Variants in TECTA observed in about 807,000 individuals in gnomAD.
TECTA encodes tectorin alpha, also known as alpha-tectorin.
TECTA carries 128 observed loss-of-function variants against 216.8 expected under a neutral mutation model. That is an observed-to-expected ratio of 0.59 (90% CI 0.51 to 0.68). The LOEUF (loss-of-function observed/expected upper bound fraction) is 0.68, where lower values mean the gene tolerates loss of function less well. TECTA is among the 30% of genes least tolerant of loss of function. The probability of loss-of-function intolerance (pLI) is 0.00; values close to 1 mark genes in which losing one functional copy is unlikely to be tolerated. For missense variants in TECTA, 2,551 were observed against 2,786.2 expected (o/e 0.92, Z 1.90); for synonymous variants, 1,089 against 1,117.1 (o/e 0.97, Z 0.50).
intron 15 of TECTA, among the ~76,000 whole-genome samples, 176 bp from the exon 16 acceptor site, chr11:121,161,899 A>G (rs1234665708): frequency 1.3e-5 from 2 of 152,074 alleles, no homozygotes; most frequent in Non-Finnish European, 1.5e-5. Flanking sequence ...TTACCGTTTT[A>G]CTTTCTTAGA....
chr11:121,127,854 C>CGTGCACA lies in TECTA; in HGVS notation c.1879_1885dup (p.Glu629ValfsTer99). On this transcript the variant is annotated frameshift_variant, in exon 9 of 24. Coordinates refer to ENST00000392793, the MANE Select transcript of TECTA (RefSeq NM_005422.4). LOFTEE classifies it high-confidence loss of function. This position sits in a 1 kb window ranked among gnomAD's most constrained non-coding sequence, Gnocchi z 5.0. ...ACGGCCTCGCGGAACTGCGCCACGC[C>CGTGCACA]GTGCACAGAGGGCTGCGAGTGCAAC... 1 of 1,614,092 alleles carries CGTGCACA rather than the reference C, an allele frequency of 6.2e-7. No individual in the cohort carries two copies. The highest frequency in any genetic ancestry group is 1.1e-5 in the South Asian group (1 of 91,080).
chr11:121,123,297 C>T (rs1946577348), intron 7 of TECTA, among the ~76,000 whole-genome samples: 1 of 152,200 alleles, frequency 6.6e-6, no homozygotes, highest in Non-Finnish European at 1.5e-5. Flanking sequence ...CTCTTTGAGG[C>T]TTATCAAGCC....
intron 4 of TECTA, 86 bp from the exon 5 acceptor site, chr11:121,112,986 A>C: frequency 6.4e-7 from 1 of 1,556,668 alleles, no homozygotes; most frequent in South Asian, 1.1e-5. Flanking sequence ...GTGGGTGGGG[A>C]GGGCGCAGGG....
In TECTA at chr11:121,168,916, T is replaced by C. The variant is rs143748991; in HGVS notation, c.5990T>C (p.Ile1997Thr). Residue 1997 changes from isoleucine (I) to threonine (T), a missense_variant, in exon 20 of 24, where the codon ATT (isoleucine) becomes ACT (threonine). Physicochemically the swap from Ile to Thr is moderately conservative, Grantham distance 89. Transcript: ENST00000392793. ...DSNDKLRYFI[I>T]EGGCQNLKDN... ...AATGATAAGCTCCGATATTTCATCA[T>C]TGAAGGAGGGTGAGTAGCCTCTTTA... is the stretch of plus-strand genomic sequence containing the variant. 9.9e-6 allele frequency: 16 copies of C among 1,614,036 alleles called. No homozygotes were observed. Among genetic ancestry groups the C allele is most frequent in the East Asian group, 2.2e-5 (1 of 44,896 alleles).
Position 121,168,716 on chromosome 11 carries a change from C to T in TECTA, c.5790C>T (p.Phe1930=). 6.2e-7 allele frequency: 1 copy of T among 1,614,186 alleles called. No individual in the cohort carries two copies. The highest frequency in any genetic ancestry group is 8.5e-7 in the Non-Finnish European group (1 of 1,180,024). The change falls in exon 20 of 24, where the codon TTC becomes TTT. Residue 1930 remains phenylalanine, a synonymous_variant. Transcript: ENST00000392793. ...NLTVPTQEGS[F]ITKMALYKNA... is the part of the protein sequence containing the mutation. The stretch of plus-strand genomic sequence containing the variant: ...CAGTTCCAACCCAAGAAGGCAGCTT[C>T]ATCACCAAGATGGCTCTCTACAAAA...
At chr11:121,145,184 T>C (rs1366199800) in intron 11 of TECTA, among the ~76,000 whole-genome samples, 11 of 152,136 alleles carry the variant, frequency 7.2e-5, no homozygotes, top group Non-Finnish European at 7.4e-5. Context: ...TAAAATAAAT[T>C]CCATGGTAGA....
chr11:121,118,638 G>T lies in TECTA; in HGVS notation c.1123G>T (p.Val375Phe). 6.2e-7 allele frequency: 1 copy of T among 1,614,068 alleles called. No homozygotes were observed. The highest frequency in any genetic ancestry group is 8.5e-7 in the Non-Finnish European group (1 of 1,180,014). ...GAATGAACACCGCAGAGGTTCAGCC[G>T]TCTCCTGGGTGAAGGAGCTCTCAGT... ...AKNEHRRGSAVSWVKELSVEV... is the reference protein window; with the variant it reads ...AKNEHRRGSAFSWVKELSVEV... The change falls in exon 7 of 24, where the codon GTC (valine) becomes TTC (phenylalanine). Residue 375 changes from valine to phenylalanine, a missense_variant. Physicochemically the swap from Val to Phe is conservative, Grantham distance 50. Coordinates refer to ENST00000392793, the MANE Select transcript of TECTA (RefSeq NM_005422.4).
chr11:121,148,974 G>A (rs1315510693), intron 12 of TECTA, among the ~76,000 whole-genome samples: 2 of 152,112 alleles, frequency 1.3e-5, no homozygotes, highest in Admixed American at 6.5e-5. Context: ...GGTATTAGAT[G>A]GTGAGAGGAG....
At chr11:121,120,057 C>G (rs1046111004) in intron 7 of TECTA, among the ~76,000 whole-genome samples, 1 of 152,226 alleles carries the variant, frequency 6.6e-6, no homozygotes, top group African/African-American at 2.4e-5. Flanking sequence ...CCCCTACTTT[C>G]CTGTATTTGG....
chr11:121,176,422 T>G (rs1306030389), intron 20 of TECTA, among the ~76,000 whole-genome samples: 3 of 140,890 alleles, frequency 2.1e-5, no homozygotes, highest in Non-Finnish European at 4.6e-5. Flanking sequence ...GTCTGTAAAG[T>G]ATTTTATTTC....
At chr11:121,159,041 C>T (rs1217383738) in intron 14 of TECTA, among the ~76,000 whole-genome samples, 1 of 152,116 alleles carries the variant, frequency 6.6e-6, no homozygotes, top group African/African-American at 2.4e-5. Context: ...GGCAGGGACC[C>T]GGAGACAGCC....
At chr11:121,163,077 A>G (rs1402317766) in intron 16 of TECTA, among the ~76,000 whole-genome samples, 1 of 152,184 alleles carries the variant, frequency 6.6e-6, no homozygotes, top group Non-Finnish European at 1.5e-5. Context: ...AGTGTGGCCA[A>G]TGGAATGTGT....
chr11:121,127,614 C>A lies in TECTA; in HGVS notation c.1775-138C>A. ...GAGCTGGGTTTTACAGATACAACCT[C>A]AATTCTGTCTTCCCCGAGTGGCCGC... On this transcript the variant is annotated intron_variant, in intron 8 of 23. Coordinates refer to ENST00000392793, the MANE Select transcript of TECTA (RefSeq NM_005422.4). This position sits in a 1 kb window ranked among gnomAD's most constrained non-coding sequence, Gnocchi z 5.0. 2 of 929,094 alleles carry A rather than the reference C, an allele frequency of 2.2e-6. No individual in the cohort carries two copies. Among genetic ancestry groups the A allele is most frequent in the Non-Finnish European group, 3.5e-6 (2 of 579,118 alleles). 57.6% of individuals were successfully genotyped at this position (929,094 alleles called of 1,614,324 possible). A position where few individuals can be genotyped will look rare whatever the true frequency, so the allele number is the denominator to read the frequency against.
chr11:121,131,965 GTCTGTCAGATT>G (rs1219867801), intron 10 of TECTA, among the ~76,000 whole-genome samples: 6 of 152,302 alleles, frequency 3.9e-5, no homozygotes, highest in Admixed American at 2.6e-4. Context: ...TTAAGGTAGT[GTCTGTCAGATT>G]TCTCCATTGA....
At chr11:121,112,894 G>T (rs1486486329) in intron 4 of TECTA, among the ~76,000 whole-genome samples, 178 bp from the exon 5 acceptor site, 4 of 152,230 alleles carry the variant, frequency 2.6e-5, no homozygotes, top group Admixed American at 6.5e-5. Flanking sequence ...CACATGTCTT[G>T]CTTTTCCCAA....
intron 11 of TECTA, among the ~76,000 whole-genome samples, chr11:121,141,190 G>A (rs1946780746): frequency 6.6e-6 from 1 of 152,210 alleles, no homozygotes; most frequent in African/African-American, 2.4e-5. Flanking sequence ...ATGCATTGCA[G>A]GATCTGCTTA....
rs146230354 is a variant in TECTA, at chr11:121,123,575, G to A, written c.1204-1727G>A. ...AGGAGCTTTCTAAAACACAAATCTG[G>A]TGATGTCATTCCCTTGCTTAAAAGC... On this transcript the variant is annotated intron_variant, in intron 7 of 23. Coordinates refer to ENST00000392793, the MANE Select transcript of TECTA (RefSeq NM_005422.4). 2.0e-3 allele frequency among the ~76,000 whole-genome samples: 312 copies of A among 152,268 alleles called. 2 individuals are homozygous for A. The highest frequency in any genetic ancestry group is 5.7e-3 in the African/African-American group (237 of 41,546).
At chr11:121,174,335 G>T (rs1158731623) in intron 20 of TECTA, among the ~76,000 whole-genome samples, 1 of 150,800 alleles carries the variant, frequency 6.6e-6, no homozygotes, top group African/African-American at 2.5e-5. Flanking sequence ...GTTAGTCATA[G>T]ATAGCTCTTA....
At chr11:121,115,455 G>A (rs1246257552) in intron 6 of TECTA, among the ~76,000 whole-genome samples, 1 of 152,194 alleles carries the variant, frequency 6.6e-6, no homozygotes, top group Non-Finnish European at 1.5e-5. Context: ...ACATATTATG[G>A]TAGACACTTG....
Sources: gnomAD v4.1 joint callset for allele counts (sites outside exome capture counted in the v4.1 genomes callset) on GRCh38, gnomAD v4.1.1 for gene constraint, Gnocchi (gnomAD v3.1) non-coding constraint, MANE v1.5 for transcripts, NCBI Gene and HGNC (gene_info 2026-07-23, HGNC 2026-07-21) for gene names.